The following PTPRD variants were observed in gnomAD, a reference collection of about 807,000 sequenced individuals.
The protein encoded by PTPRD is receptor-type tyrosine-protein phosphatase delta.
A neutral mutation model predicts 214.5 loss-of-function variants in PTPRD; 34 were observed. The ratio of observed to expected loss-of-function variants is 0.16; its 90% CI spans 0.12 to 0.21. The LOEUF is 0.21. Among genes scored for constraint, PTPRD ranks in the 10% least tolerant of loss-of-function variants. PTPRD has a pLI of 1.00. For synonymous variants in PTPRD, 1,128 were observed against 845.7 expected (o/e 1.33, Z -5.79); for missense variants, 2,545 against 2,398.7 (o/e 1.06, Z -1.27).
At position 10,205,735 on chromosome 9, in the gene PTPRD, G is replaced by C. The variant is rs543317382; in HGVS notation, c.-545+135228C>G. ...CATCAGCCTAAATAATAGCAATACAGTCATTGGTAATTGATTTGAAATAAT... is the reference window on the plus strand; with the variant it reads ...CATCAGCCTAAATAATAGCAATACACTCATTGGTAATTGATTTGAAATAAT... On this transcript the variant is annotated intron_variant, in intron 3 of 45. Transcript: ENST00000381196. Among the ~76,000 whole-genome samples, 64 of 152,148 alleles carry C rather than the reference G, an allele frequency of 4.2e-4. 1 individual carries two copies. Among genetic ancestry groups the C allele is most frequent in the African/African-American group, 1.3e-3 (54 of 41,502 alleles).
chr9:10,560,039 C>A (rs1421423578), intron 2 of PTPRD, among the ~76,000 whole-genome samples: 1 of 152,116 alleles, frequency 6.6e-6, no homozygotes, highest in African/African-American at 2.4e-5. Context: ...TACCATTTGA[C>A]CCAGCCATCC....
intron 10 of PTPRD, among the ~76,000 whole-genome samples, chr9:9,126,521 C>T (rs1334828894): frequency 1.3e-5 from 2 of 152,052 alleles, no homozygotes; most frequent in African/African-American, 4.8e-5. Context: ...CTTATTGTCA[C>T]AAAAAGTTAG....
intron 11 of PTPRD, among the ~76,000 whole-genome samples, chr9:8,883,949 A>G (rs2098466376): frequency 6.6e-6 from 1 of 152,236 alleles, no homozygotes; most frequent in Admixed American, 6.5e-5. Flanking sequence ...GAGAGACACT[A>G]TTAGAAATGA....
At chr9:9,682,613 C>G (rs928082103) in intron 7 of PTPRD, among the ~76,000 whole-genome samples, 2 of 151,652 alleles carry the variant, frequency 1.3e-5, no homozygotes, top group African/African-American at 2.4e-5. Context: ...GGGAGCTAAG[C>G]CTTGGAAGTG....
At chr9:10,031,443 G>C (rs1010901561) in intron 4 of PTPRD, among the ~76,000 whole-genome samples, 6 of 151,154 alleles carry the variant, frequency 4.0e-5, no homozygotes, top group Admixed American at 2.0e-4. Context: ...ATGTGAAAAG[G>C]CGAGACTGTC....
chr9:8,591,550 T>C (rs1018708130), intron 14 of PTPRD, among the ~76,000 whole-genome samples: 2 of 152,180 alleles, frequency 1.3e-5, no homozygotes, highest in African/African-American at 4.8e-5. Context: ...GAATAATTTA[T>C]GAAAAATGGA....
chr9:9,319,940 G>T (rs1965573594), intron 9 of PTPRD, among the ~76,000 whole-genome samples: 1 of 152,050 alleles, frequency 6.6e-6, no homozygotes, highest in South Asian at 2.1e-4. Context: ...CAATAGTAAA[G>T]TGAAATAGTA....
chr9:9,590,443 A>C (rs1485616005), intron 7 of PTPRD, among the ~76,000 whole-genome samples: 1 of 151,940 alleles, frequency 6.6e-6, no homozygotes, highest in Non-Finnish European at 1.5e-5. Flanking sequence ...ATGATCCCCA[A>C]TTTTAAGTGT....
intron 11 of PTPRD, among the ~76,000 whole-genome samples, chr9:8,781,166 T>C (rs2095678421): frequency 6.6e-6 from 1 of 152,160 alleles, no homozygotes; most frequent in South Asian, 2.1e-4. Context: ...TGGTACCACT[T>C]CAAGACTGAA....
At chr9:10,033,201 C>A (rs541060098) in intron 4 of PTPRD, among the ~76,000 whole-genome samples, 2 of 151,346 alleles carry the variant, frequency 1.3e-5, no homozygotes, top group Non-Finnish European at 3.0e-5. Context: ...AATGGGGAGG[C>A]GTGTTGCTGA....
intron 10 of PTPRD, among the ~76,000 whole-genome samples, chr9:9,037,447 T>A (rs1300606370): frequency 6.6e-6 from 1 of 152,160 alleles, no homozygotes; most frequent in Non-Finnish European, 1.5e-5. Context: ...GGGTGAACTT[T>A]TCAGCAGTAC....
intron 14 of PTPRD, among the ~76,000 whole-genome samples, chr9:8,594,527 T>G (rs946316712): frequency 1.8e-4 from 28 of 152,174 alleles, no homozygotes; most frequent in African/African-American, 6.3e-4. Flanking sequence ...AATCTCATCT[T>G]GAATTGTAAT....
intron 12 of PTPRD, among the ~76,000 whole-genome samples, chr9:8,710,588 T>A (rs2381895): frequency 6.6e-6 from 1 of 152,016 alleles, no homozygotes; most frequent in African/African-American, 2.4e-5. Context: ...TGCACTCCAG[T>A]CTGGGTGACA....
At chr9:9,641,654 C>A (rs2095958569) in intron 7 of PTPRD, among the ~76,000 whole-genome samples, 1 of 152,100 alleles carries the variant, frequency 6.6e-6, no homozygotes, top group African/African-American at 2.4e-5. Context: ...TTTGCCTAGG[C>A]CTTTTCTGGA....
At chr9:9,011,524 G>C (rs574954415) in intron 11 of PTPRD, among the ~76,000 whole-genome samples, 19 of 152,256 alleles carry the variant, frequency 1.2e-4, no homozygotes, top group African/African-American at 4.3e-4. Flanking sequence ...AAAGGCCTAA[G>C]ACTCAGAATG....
chr9:8,383,676 T>C (rs897816794), intron 37 of PTPRD, among the ~76,000 whole-genome samples: 5 of 152,200 alleles, frequency 3.3e-5, no homozygotes, highest in African/African-American at 1.2e-4. Flanking sequence ...CAGCCCACAT[T>C]GGATTACAAT....
chr9:10,025,997 G>C (rs2154124749), intron 4 of PTPRD, among the ~76,000 whole-genome samples: 1 of 152,324 alleles, frequency 6.6e-6, no homozygotes. Flanking sequence ...TCAAGGCTAA[G>C]GAAGGGTTAA....
intron 2 of PTPRD, among the ~76,000 whole-genome samples, chr9:10,470,201 T>G (rs2099021371): frequency 6.6e-6 from 1 of 152,126 alleles, no homozygotes; most frequent in South Asian, 2.1e-4. Context: ...AAACATTATA[T>G]GTTTGTATCA....
intron 2 of PTPRD, among the ~76,000 whole-genome samples, chr9:10,477,203 GA>G (rs1007151575): frequency 2.5e-4 from 38 of 152,024 alleles, no homozygotes; most frequent in African/African-American, 8.7e-4. Context: ...GCAACCTAAA[GA>G]ATGGGATAAA....
Sources: gnomAD v4.1 joint callset for allele counts (sites outside exome capture counted in the v4.1 genomes callset) on GRCh38, gnomAD v4.1.1 for gene constraint, MANE v1.5 for transcripts, NCBI Gene and HGNC (gene_info 2026-07-23, HGNC 2026-07-21) for gene names.